The following CYP2J2 variants were observed in gnomAD, a reference collection of about 807,000 sequenced individuals.
CYP2J2 encodes cytochrome P450 2J2.
In CYP2J2, 41 loss-of-function variants were observed where a neutral mutation model predicts 48.8. That is an observed-to-expected ratio of 0.84 (90% CI 0.66 to 1.09). CYP2J2 has a LOEUF of 1.09. Ranked by LOEUF, CYP2J2 falls within the 50% of genes least tolerant of loss-of-function variation. CYP2J2 has a pLI of 0.00. For synonymous variants in CYP2J2, 221 were observed against 227.1 expected (o/e 0.97, Z 0.24); for missense variants, 644 against 617.3 (o/e 1.04, Z -0.46).
the CYP2J2 span, among the ~76,000 whole-genome samples, chr1:59,946,504 C>T: frequency 1.3e-5 from 2 of 152,152 alleles, no homozygotes; most frequent in African/African-American, 4.8e-5. Flanking sequence ...TTCCTCTGCT[C>T]CCCACACTAG....
chr1:59,958,161 T>C, the CYP2J2 span, among the ~76,000 whole-genome samples: 2 of 152,156 alleles, frequency 1.3e-5, no homozygotes, highest in Non-Finnish European at 2.9e-5. Context: ...GACACATTCA[T>C]TCTGCTTTAC....
chr1:59,956,823 G>C, the CYP2J2 span, among the ~76,000 whole-genome samples: 1 of 152,154 alleles, frequency 6.6e-6, no homozygotes, highest in African/African-American at 2.4e-5. Flanking sequence ...CTGCTAACTG[G>C]TGGAACAATA....
chr1:59,912,260 A>C lies in CYP2J2; in HGVS notation c.425T>G (p.Leu142Arg). 1 of 1,613,948 alleles carries C rather than the reference A, an allele frequency of 6.2e-7. No homozygotes were observed. The highest frequency in any genetic ancestry group is 8.5e-7 in the Non-Finnish European group (1 of 1,179,856). ...QAWKEQRRFT[L>R]TALRNFGLGK... is the part of the protein sequence containing the mutation. The stretch of plus-strand genomic sequence containing the variant: ...TAAACCAAAGTTCCTTAGTGCTGTC[A>C]GAGTGAACCTTCTTTGCTCCTTCCA... The change falls in exon 3 of 9, where the codon CTG becomes CGG. Residue 142 changes from leucine (L) to arginine (R), a missense_variant. Transcript: ENST00000371204.
upstream of CYP2J2, among the ~76,000 whole-genome samples, chr1:59,927,473 C>T (rs1644577279): frequency 6.6e-6 from 1 of 152,176 alleles, no homozygotes; most frequent in African/African-American, 2.4e-5. Context: ...CTGGTGAGTG[C>T]CTGCTTGGGT....
chr1:59,907,747 A>C, intron 6 of CYP2J2, 39 bp downstream of exon 6: 3 of 1,612,256 alleles, frequency 1.9e-6, no homozygotes, highest in Non-Finnish European at 2.5e-6. Flanking sequence ...AGGAGGCACT[A>C]TTCTGTCCTG....
the CYP2J2 span, among the ~76,000 whole-genome samples, chr1:59,943,776 T>C: frequency 6.6e-6 from 1 of 151,900 alleles, no homozygotes; most frequent in Non-Finnish European, 1.5e-5. Flanking sequence ...AAAGAAGGGA[T>C]TGGTCAGTGT....
chr1:59,920,970 T>G (rs1644507520), intron 1 of CYP2J2, among the ~76,000 whole-genome samples: 1 of 152,208 alleles, frequency 6.6e-6, no homozygotes, highest in Admixed American at 6.5e-5. Flanking sequence ...TTTAGCCACT[T>G]GCCAAAAATC....
chr1:59,902,197 C>G (rs1341773543), intron 7 of CYP2J2, among the ~76,000 whole-genome samples: 3 of 152,190 alleles, frequency 2.0e-5, no homozygotes, highest in Non-Finnish European at 2.9e-5. Flanking sequence ...CTTTTGGAAG[C>G]CTTCCCTGAC....
intron 1 of CYP2J2, among the ~76,000 whole-genome samples, chr1:59,924,377 G>A (rs937817333): frequency 6.6e-6 from 1 of 151,994 alleles, no homozygotes; most frequent in Non-Finnish European, 1.5e-5. Context: ...AATGAAAAGG[G>A]TAAATAAATG....
At chr1:59,944,545 T>C in the CYP2J2 span, among the ~76,000 whole-genome samples, 1 of 152,192 alleles carries the variant, frequency 6.6e-6, no homozygotes, top group Non-Finnish European at 1.5e-5. Flanking sequence ...AGTATGTCTG[T>C]AGGACAAATT....
At chr1:59,916,189 T>A in intron 1 of CYP2J2, 89 bp from the exon 2 acceptor site, 11 of 1,104,868 alleles carry the variant, frequency 1.0e-5, no homozygotes, top group Non-Finnish European at 1.5e-5. Context: ...GGGATCATAT[T>A]GAGAGGAGTG....
chr1:59,911,351 A>G (rs976218441), intron 4 of CYP2J2, among the ~76,000 whole-genome samples: 37 of 152,234 alleles, frequency 2.4e-4, no homozygotes, highest in Non-Finnish European at 5.1e-4. Flanking sequence ...AAAGAACAAC[A>G]TAGGTGGATA....
intron 5 of CYP2J2, 91 bp from the exon 6 acceptor site, chr1:59,908,018 T>C: frequency 1.5e-6 from 2 of 1,331,790 alleles, no homozygotes; most frequent in Non-Finnish European, 2.1e-6. Flanking sequence ...TAGGAGGACA[T>C]TTGGAAGAAA....
At chr1:59,935,025 T>TATATATATATATATATATACAC in the CYP2J2 span, among the ~76,000 whole-genome samples, 12 of 85,840 alleles carry the variant, frequency 1.4e-4, no homozygotes, top group East Asian at 4.3e-3. Flanking sequence ...CATATATATA[T>TATATATATATATATATATACAC]ATATATATAT....
At chr1:59,931,965 A>G in the CYP2J2 span, among the ~76,000 whole-genome samples, 1 of 152,214 alleles carries the variant, frequency 6.6e-6, no homozygotes, top group Non-Finnish European at 1.5e-5. Context: ...GACAACTAGA[A>G]GCCATAAATG....
the CYP2J2 span, among the ~76,000 whole-genome samples, chr1:59,942,230 C>T: frequency 6.6e-6 from 1 of 152,018 alleles, no homozygotes; most frequent in Non-Finnish European, 1.5e-5. Context: ...TGACTGGTGT[C>T]TGCTTGAGGT....
At chr1:59,966,034 CTT>C in the CYP2J2 span, among the ~76,000 whole-genome samples, 5 of 152,140 alleles carry the variant, frequency 3.3e-5, no homozygotes, top group African/African-American at 1.2e-4. Context: ...GGTAAGCTCT[CTT>C]GTCCTTAGTG....
the CYP2J2 span, among the ~76,000 whole-genome samples, chr1:59,931,818 A>C: frequency 3.5e-4 from 54 of 152,288 alleles, no homozygotes; most frequent in South Asian, 4.6e-3. Context: ...GAGATAAAAA[A>C]GTAAGGCGTA....
At chr1:59,910,639 T>A (rs1644404776) in intron 4 of CYP2J2, among the ~76,000 whole-genome samples, 1 of 152,282 alleles carries the variant, frequency 6.6e-6, no homozygotes, top group South Asian at 2.1e-4. Flanking sequence ...AAAAGATACA[T>A]GTGTAAACAT....
Sources: allele counts gnomAD v4.1 joint callset (sites outside exome capture counted in the v4.1 genomes callset), GRCh38; gene constraint gnomAD v4.1.1; transcripts MANE v1.5; gene names NCBI Gene and HGNC (gene_info 2026-07-23, HGNC 2026-07-21).